The following CALD1 variants were observed in gnomAD, a reference collection of about 807,000 sequenced individuals.
CALD1 encodes caldesmon 1.
CALD1 carries 33 observed loss-of-function variants against 99.9 expected under a neutral mutation model. That is an observed-to-expected ratio of 0.33 (90% CI 0.25 to 0.44). The LOEUF (loss-of-function observed/expected upper bound fraction) is 0.44, where lower values mean the gene tolerates loss of function less well. Among genes scored for constraint, CALD1 ranks in the 20% least tolerant of loss-of-function variants. CALD1 has a pLI of 1.00. For synonymous variants in CALD1, 310 were observed against 325.0 expected, an observed-to-expected ratio of 0.95 and a Z score of 0.50; for missense variants, 861 against 962.1, an observed-to-expected ratio of 0.89 and a Z score of 1.39.
the CALD1 span, among the ~76,000 whole-genome samples, chr7:134,731,428 A>T: frequency 6.6e-6 from 1 of 152,204 alleles, no homozygotes; most frequent in South Asian, 2.1e-4. Context: ...TAATCCCTGC[A>T]GTCTGGCTTC....
chr7:134,775,201 C>T (rs1046579857), upstream of CALD1, among the ~76,000 whole-genome samples: 3 of 152,136 alleles, frequency 2.0e-5, no homozygotes, highest in African/African-American at 7.2e-5. Context: ...ATTTGTAATA[C>T]TTCCTCTAAA....
intron 1 of CALD1, among the ~76,000 whole-genome samples, chr7:134,819,090 A>C (rs11773323): frequency 3.9e-5 from 6 of 152,160 alleles, no homozygotes; most frequent in Non-Finnish European, 5.9e-5. Flanking sequence ...AGGCAAGAGC[A>C]ACTGAGAACA....
At chr7:134,849,805 G>A (rs1022984731) in intron 2 of CALD1, among the ~76,000 whole-genome samples, 5 of 152,118 alleles carry the variant, frequency 3.3e-5, no homozygotes, top group Admixed American at 2.6e-4. Flanking sequence ...TTAAGCCGCA[G>A]GGCCTCTCAT....
chr7:134,925,896 A>C (rs1804976976), intron 3 of CALD1, among the ~76,000 whole-genome samples: 1 of 152,208 alleles, frequency 6.6e-6, no homozygotes, highest in African/African-American at 2.4e-5. Context: ...GTAGAAAAGC[A>C]AATTGAGACT....
intron 3 of CALD1, among the ~76,000 whole-genome samples, chr7:134,900,774 G>A (rs189685197): frequency 7.2e-5 from 11 of 152,168 alleles, no homozygotes; most frequent in Non-Finnish European, 1.6e-4. Context: ...ATAAACCACA[G>A]TGGGTGCCTG....
At chr7:134,764,845 G>A (rs1265069088) in intron 1 of CALD1, among the ~76,000 whole-genome samples, 1 of 152,132 alleles carries the variant, frequency 6.6e-6, no homozygotes, top group African/African-American at 2.4e-5. Flanking sequence ...GTGATGTGGG[G>A]CTGGTGCCAA....
chr7:134,939,567 G>T (rs537342907), intron 6 of CALD1, among the ~76,000 whole-genome samples: 95 of 152,312 alleles, frequency 6.2e-4, no homozygotes, highest in African/African-American at 2.1e-3. Flanking sequence ...GGGCAGCATA[G>T]AAGTGAATCC....
chr7:134,946,670 C>CTT (rs1350114663), intron 7 of CALD1, among the ~76,000 whole-genome samples: 2 of 143,180 alleles, frequency 1.4e-5, no homozygotes, highest in Non-Finnish European at 1.5e-5. Flanking sequence ...GATCTCCTTC[C>CTT]TTTTTTTTTT....
chr7:134,876,890 G>A (rs1299139327), intron 3 of CALD1, among the ~76,000 whole-genome samples: 1 of 152,128 alleles, frequency 6.6e-6, no homozygotes, highest in African/African-American at 2.4e-5. Flanking sequence ...GGGGAGGATG[G>A]GACAGATTTG....
rs1212080929 is a variant in CALD1 at position 134,779,645 on chromosome 7, G to A, written c.-234G>A. 7.5e-6 allele frequency: 3 copies of A among 398,534 alleles called. No homozygotes were observed. Among genetic ancestry groups the A allele is most frequent in the Non-Finnish European group, 8.8e-6 (2 of 226,164 alleles). 24.7% of individuals were successfully genotyped at this position (398,534 alleles called of 1,614,324 possible). A position where few individuals can be genotyped will look rare whatever the true frequency, so the allele number is the denominator to read the frequency against. ...TTATTGAATAGAGCAGTGTGTATTC[G>A]GCTGCCTGCCTGCCCGCCTGCTTGC... On this transcript the variant is annotated 5_prime_UTR_variant, in exon 1 of 15. Coordinates refer to ENST00000361675, the MANE Select transcript of CALD1 (RefSeq NM_033138.4).
the CALD1 span, among the ~76,000 whole-genome samples, chr7:134,736,165 G>A: frequency 3.3e-5 from 5 of 152,278 alleles, no homozygotes; most frequent in Admixed American, 2.6e-4. Context: ...GGAGGCAAAG[G>A]TTCCTTTCTG....
intron 6 of CALD1, among the ~76,000 whole-genome samples, chr7:134,939,124 A>G (rs1269091436): frequency 1.3e-5 from 2 of 152,228 alleles, no homozygotes; most frequent in South Asian, 2.1e-4. Flanking sequence ...TCTAACAACA[A>G]TAGGCCAAAA....
intron 1 of CALD1, among the ~76,000 whole-genome samples, chr7:134,819,470 C>T (rs1323106161): frequency 6.6e-6 from 1 of 152,202 alleles, no homozygotes; most frequent in Admixed American, 6.5e-5. Context: ...TTTACAATTG[C>T]ATGCTTTTTG....
chr7:134,849,217 G>A (rs1363806950), intron 2 of CALD1, among the ~76,000 whole-genome samples: 4 of 152,180 alleles, frequency 2.6e-5, no homozygotes, highest in African/African-American at 7.2e-5. Flanking sequence ...GCAAAACACA[G>A]GCATGCACTG....
At chr7:134,817,856 T>C (rs1786314601) in intron 1 of CALD1, among the ~76,000 whole-genome samples, 1 of 152,158 alleles carries the variant, frequency 6.6e-6, no homozygotes, top group Non-Finnish European at 1.5e-5. Flanking sequence ...TTCAATTCCA[T>C]TCTATTACAA....
intron 9 of CALD1, among the ~76,000 whole-genome samples, chr7:134,953,026 A>C (rs1807477160): frequency 6.6e-6 from 1 of 152,258 alleles, no homozygotes; most frequent in African/African-American, 2.4e-5. Context: ...GAATTACAAA[A>C]GTGAGCAGAG....
chr7:134,959,623 T>C (rs1808096440), intron 11 of CALD1, among the ~76,000 whole-genome samples: 1 of 152,090 alleles, frequency 6.6e-6, no homozygotes, highest in Admixed American at 6.5e-5. Flanking sequence ...TGAGCCTTGA[T>C]TGTGCCACTG....
the CALD1 span, among the ~76,000 whole-genome samples, chr7:134,716,876 A>G: frequency 1.3e-5 from 2 of 152,334 alleles, no homozygotes; most frequent in African/African-American, 2.4e-5. Context: ...GCCAAATGAG[A>G]TAAGAAATCA....
At chr7:134,768,669 T>C (rs2131620849) in intron 1 of CALD1, among the ~76,000 whole-genome samples, 1 of 152,290 alleles carries the variant, frequency 6.6e-6, no homozygotes, top group African/African-American at 2.4e-5. Flanking sequence ...CTCATTTATA[T>C]TGCAATTTTT....
Sources: gnomAD v4.1 joint callset for allele counts (sites outside exome capture counted in the v4.1 genomes callset) on GRCh38, gnomAD v4.1.1 for gene constraint, MANE v1.5 for transcripts, NCBI Gene and HGNC (gene_info 2026-07-23, HGNC 2026-07-21) for gene names.